NRG3: variants seen among roughly 807,000 people sequenced by gnomAD.
NRG3 encodes pro-neuregulin-3, membrane-bound isoform.
In NRG3, 31 loss-of-function variants were observed where a neutral mutation model predicts 66.9. The ratio of observed to expected loss-of-function variants is 0.46; its 90% CI spans 0.35 to 0.63. The LOEUF (loss-of-function observed/expected upper bound fraction) is 0.63, where lower values mean the gene tolerates loss of function less well. NRG3 is among the 20% of genes least tolerant of loss of function. The probability of loss-of-function intolerance (pLI) is 0.00; values close to 1 mark genes in which losing one functional copy is unlikely to be tolerated. For missense variants in NRG3, 910 were observed against 878.9 expected (o/e 1.04, Z -0.45); for synonymous variants, 393 against 359.4 (o/e 1.09, Z -1.06).
At chr10:82,470,228 G>C (rs975152485) in intron 2 of NRG3, among the ~76,000 whole-genome samples, 2 of 152,306 alleles carry the variant, frequency 1.3e-5, no homozygotes, top group Non-Finnish European at 2.9e-5. Flanking sequence ...AATATTTGCA[G>C]TAAAGATATC....
chr10:82,071,159 A>G (rs1304705725), intron 1 of NRG3, among the ~76,000 whole-genome samples: 1 of 152,196 alleles, frequency 6.6e-6, no homozygotes, highest in Non-Finnish European at 1.5e-5. Context: ...ATATCCATTA[A>G]GTGCCTACTG....
At chr10:82,187,824 A>G (rs2073897694) in intron 1 of NRG3, among the ~76,000 whole-genome samples, 1 of 152,166 alleles carries the variant, frequency 6.6e-6, no homozygotes, top group East Asian at 1.9e-4. Context: ...ACATTTTCAG[A>G]ATTTATTTTG....
chr10:82,511,098 A>T (rs975178910), intron 2 of NRG3, among the ~76,000 whole-genome samples: 1 of 152,284 alleles, frequency 6.6e-6, no homozygotes, highest in South Asian at 2.1e-4. Flanking sequence ...GTAAGGCTGG[A>T]TGTTTGGTTC....
intron 1 of NRG3, among the ~76,000 whole-genome samples, chr10:81,985,804 G>A (rs968049149): frequency 7.2e-5 from 11 of 152,200 alleles, no homozygotes; most frequent in African/African-American, 2.7e-4. Flanking sequence ...AATCAATTTT[G>A]TGGGTCACAA....
intron 1 of NRG3, among the ~76,000 whole-genome samples, chr10:82,025,809 C>A (rs1399109227): frequency 6.6e-6 from 1 of 152,038 alleles, no homozygotes; most frequent in African/African-American, 2.4e-5. Flanking sequence ...TTTATATCGT[C>A]TATTTACTTA....
chr10:82,030,402 C>T (rs144960786), intron 1 of NRG3, among the ~76,000 whole-genome samples: 2 of 152,206 alleles, frequency 1.3e-5, no homozygotes, highest in African/African-American at 2.4e-5. Flanking sequence ...ACTCTCTATA[C>T]AAACCTCTGG....
At chr10:82,282,289 T>TATTA (rs2079168724) in intron 1 of NRG3, among the ~76,000 whole-genome samples, 1 of 128,298 alleles carries the variant, frequency 7.8e-6, no homozygotes, top group Non-Finnish European at 1.7e-5. Context: ...TTTATTTATT[T>TATTA]ATTATTTTGT....
rs377488321 is a variant in NRG3, at chr10:82,786,988, C to T, written c.1027+48338C>T. 1.4e-4 allele frequency among the ~76,000 whole-genome samples: 21 copies of T among 152,200 alleles called. No individual in the cohort carries two copies. The East Asian group carries it at 3.1e-3, about 22-fold the overall frequency. On this transcript the variant is annotated intron_variant, in intron 3 of 8. Transcript: ENST00000372141. ...GCCCCTTGACCTTCGACTTTATAGC[C>T]TCCAGAACTGTAATAAATAAATCTC...
intron 1 of NRG3, among the ~76,000 whole-genome samples, chr10:82,019,446 C>A (rs1400596416): frequency 1.3e-5 from 2 of 151,864 alleles, no homozygotes; most frequent in Non-Finnish European, 2.9e-5. Context: ...ATGATGCTGG[C>A]CTCATAAAAT....
At chr10:82,742,929 C>G (rs1424443113) in intron 3 of NRG3, among the ~76,000 whole-genome samples, 2 of 152,202 alleles carry the variant, frequency 1.3e-5, no homozygotes, top group Admixed American at 6.5e-5. Context: ...GAGCACATGC[C>G]AGGCTGAGTT....
intron 2 of NRG3, among the ~76,000 whole-genome samples, chr10:82,580,516 AT>A (rs139973771): frequency 0.022 from 3,307 of 152,092 alleles, 104 homozygotes; most frequent in African/African-American, 0.075. Context: ...GAATACTCAC[AT>A]TTCCTTGAAA....
At chr10:82,096,233 T>G (rs992600375) in intron 1 of NRG3, among the ~76,000 whole-genome samples, 1 of 152,076 alleles carries the variant, frequency 6.6e-6, no homozygotes, top group Non-Finnish European at 1.5e-5. Context: ...TCCCAGCACT[T>G]TGGGAGGCTG....
intron 1 of NRG3, among the ~76,000 whole-genome samples, chr10:81,916,062 AT>A (rs1845679606): frequency 6.6e-6 from 1 of 152,224 alleles, no homozygotes; most frequent in Non-Finnish European, 1.5e-5. Context: ...AATTAATGAA[AT>A]ATTTTAAATT....
chr10:82,938,015 A>G (rs1219429938), intron 4 of NRG3, among the ~76,000 whole-genome samples: 1 of 152,156 alleles, frequency 6.6e-6, no homozygotes, highest in Non-Finnish European at 1.5e-5. Context: ...TTTCATTAAT[A>G]TTTTATAGCT....
At chr10:82,615,307 G>A (rs186471349) in intron 2 of NRG3, among the ~76,000 whole-genome samples, 8 of 152,088 alleles carry the variant, frequency 5.3e-5, no homozygotes, top group Non-Finnish European at 1.0e-4. Flanking sequence ...TCTGGCTGCC[G>A]AGCCATGTAC....
chr10:82,758,923 A>G (rs942726468), intron 3 of NRG3, among the ~76,000 whole-genome samples: 8 of 152,104 alleles, frequency 5.3e-5, no homozygotes, highest in Non-Finnish European at 1.2e-4. Flanking sequence ...TGATAAGTAA[A>G]ATAGACCATC....
intron 1 of NRG3, among the ~76,000 whole-genome samples, chr10:82,241,809 C>A (rs565560789): frequency 6.6e-6 from 1 of 152,086 alleles, no homozygotes; most frequent in South Asian, 2.1e-4. Flanking sequence ...AAGTACATCG[C>A]GAAGTCTTTG....
intron 2 of NRG3, among the ~76,000 whole-genome samples, chr10:82,363,272 A>T (rs2084303826): frequency 6.6e-6 from 1 of 152,340 alleles, no homozygotes; most frequent in African/African-American, 2.4e-5. Context: ...AATGCAAATT[A>T]GGTGTTTTTT....
chr10:82,130,052 C>A (rs370255902), intron 1 of NRG3, among the ~76,000 whole-genome samples: 10 of 152,112 alleles, frequency 6.6e-5, no homozygotes, highest in African/African-American at 2.4e-4. Flanking sequence ...TATCTCCATG[C>A]ATGCAATTGT....
Sources: allele counts gnomAD v4.1 joint callset (sites outside exome capture counted in the v4.1 genomes callset), GRCh38; gene constraint gnomAD v4.1.1; transcripts MANE v1.5; gene names NCBI Gene and HGNC (gene_info 2026-07-23, HGNC 2026-07-21).